MAPKAP1: variants seen among roughly 807,000 people sequenced by gnomAD.
The protein encoded by MAPKAP1 is target of rapamycin complex 2 subunit MAPKAP1.
MAPKAP1 carries 20 observed loss-of-function variants against 65.7 expected under a neutral mutation model. The ratio of observed to expected loss-of-function variants is 0.30; its 90% CI spans 0.21 to 0.44. MAPKAP1 has a LOEUF of 0.44. Ranked by LOEUF, MAPKAP1 falls within the 20% of genes least tolerant of loss-of-function variation. The pLI, the probability that MAPKAP1 is intolerant of heterozygous loss-of-function variation, is 1.00. For missense variants in MAPKAP1, 423 were observed against 648.0 expected (o/e 0.65, Z 3.77); for synonymous variants, 222 against 244.3 (o/e 0.91, Z 0.85).
chr9:125,689,135 G>A (rs950007640), intron 1 of MAPKAP1, among the ~76,000 whole-genome samples: 1 of 151,838 alleles, frequency 6.6e-6, no homozygotes, highest in Non-Finnish European at 1.5e-5. Flanking sequence ...GTATACAAAT[G>A]GCCACAATAA....
rs187521008 is a variant in MAPKAP1, at chr9:125,559,850, G to T, written c.672-41C>A. 1,077 of 1,579,022 alleles carry T rather than the reference G, an allele frequency of 6.8e-4. 7 individuals carry two copies. Among genetic ancestry groups the T allele is most frequent in the Non-Finnish European group, 1.5e-4 (168 of 1,158,594 alleles). ...AAAAGGCGAGTGAATACCAAGGTAG[G>T]GAAGGGACAAGAAGACCAGAGGGTA... On this transcript the variant is annotated intron_variant, in intron 5 of 11. Transcript: ENST00000265960.
At position 125,549,922 on chromosome 9, in the gene MAPKAP1, A is replaced by G. The variant is rs138188077; in HGVS notation, c.849-6754T>C. On this transcript the variant is annotated intron_variant, in intron 6 of 11. Coordinates refer to ENST00000265960, the MANE Select transcript of MAPKAP1 (RefSeq NM_001006617.3). Reference sequence around the variant, plus strand: ...ACTCTATATAACTGCAAAGACATTCACATTCCGTTCAGAATATAAAACACA... The same window carrying G: ...ACTCTATATAACTGCAAAGACATTCGCATTCCGTTCAGAATATAAAACACA... Among the ~76,000 whole-genome samples, 35 of 152,318 alleles carry G rather than the reference A, an allele frequency of 2.3e-4. 1 individual carries two copies. The East Asian group carries it at 6.7e-3, about 29-fold the overall frequency.
intron 7 of MAPKAP1, among the ~76,000 whole-genome samples, chr9:125,533,530 A>G (rs1416343222): frequency 6.6e-6 from 1 of 152,078 alleles, no homozygotes; most frequent in Non-Finnish European, 1.5e-5. Context: ...GCTTACTGCA[A>G]TCTCTGCTTC....
chr9:125,452,642 G>C (rs951563556), intron 10 of MAPKAP1, among the ~76,000 whole-genome samples: 1 of 152,112 alleles, frequency 6.6e-6, no homozygotes, highest in Non-Finnish European at 1.5e-5. Flanking sequence ...TCGGCCAGGT[G>C]TGGTGGCTCA....
At chr9:125,565,610 A>T in intron 5 of MAPKAP1, 1 of 360,826 alleles carries the variant, frequency 2.8e-6, no homozygotes. Context: ...TCAGAAGCTG[A>T]TATCTCTGAA....
intron 4 of MAPKAP1, among the ~76,000 whole-genome samples, chr9:125,589,020 C>T (rs984951469): frequency 1.3e-5 from 2 of 152,162 alleles, no homozygotes; most frequent in Admixed American, 1.3e-4. Flanking sequence ...TAGAGAGGCT[C>T]TTTTTCATGG....
chr9:125,553,634 C>T (rs1410347239), intron 6 of MAPKAP1, among the ~76,000 whole-genome samples: 1 of 152,124 alleles, frequency 6.6e-6, no homozygotes, highest in African/African-American at 2.4e-5. Context: ...CTACCCCATG[C>T]CCATTTGTCT....
At chr9:125,701,096 AATCAGTT>A (rs1250510234) in intron 1 of MAPKAP1, among the ~76,000 whole-genome samples, 1 of 152,236 alleles carries the variant, frequency 6.6e-6, no homozygotes, top group Non-Finnish European at 1.5e-5. Context: ...GTCTGCCAGT[AATCAGTT>A]GTGTGACTTT....
At chr9:125,680,108 C>G (rs1834777503) in intron 1 of MAPKAP1, among the ~76,000 whole-genome samples, 1 of 147,156 alleles carries the variant, frequency 6.8e-6, no homozygotes, top group African/African-American at 2.5e-5. Context: ...TTTTTTTAAC[C>G]TTTCCACACT....
At chr9:125,648,868 G>A (rs1015082093) in intron 4 of MAPKAP1, among the ~76,000 whole-genome samples, 3 of 151,980 alleles carry the variant, frequency 2.0e-5, no homozygotes, top group African/African-American at 4.8e-5. Context: ...TTAAACCCGG[G>A]AGGCGGAGGT....
chr9:125,596,543 G>A (rs1832131537), intron 4 of MAPKAP1: 1 of 709,222 alleles, frequency 1.4e-6, no homozygotes, highest in Non-Finnish European at 2.6e-6. Flanking sequence ...GGTGGTGGAA[G>A]CCAGTACTTT....
intron 4 of MAPKAP1, among the ~76,000 whole-genome samples, chr9:125,602,271 T>C (rs1017777680): frequency 2.4e-4 from 37 of 151,828 alleles, no homozygotes; most frequent in African/African-American, 8.5e-4. Context: ...AAGAAAGAAA[T>C]ATAAACATCA....
intron 1 of MAPKAP1, among the ~76,000 whole-genome samples, chr9:125,690,973 T>C (rs996075092): frequency 6.6e-6 from 1 of 152,086 alleles, no homozygotes; most frequent in African/African-American, 2.4e-5. Flanking sequence ...AGATAAAAAC[T>C]GGTAGAGGCC....
chr9:125,505,011 G>C (rs1829095723), intron 8 of MAPKAP1, among the ~76,000 whole-genome samples: 1 of 152,222 alleles, frequency 6.6e-6, no homozygotes, highest in Middle Eastern at 3.2e-3. Flanking sequence ...TGATAATCTA[G>C]CAGGGAAGAG....
chr9:125,521,602 T>C, intron 7 of MAPKAP1: 5 of 1,482,166 alleles, frequency 3.4e-6, no homozygotes, highest in Non-Finnish European at 4.5e-6. Context: ...TGCAGAGGAA[T>C]TTAGCTGTGG....
rs1005786645 is a variant in MAPKAP1, at chr9:125,438,471, A to G, written c.*416T>C. On this transcript the variant is annotated 3_prime_UTR_variant, in exon 12 of 12. Coordinates refer to ENST00000265960, the MANE Select transcript of MAPKAP1 (RefSeq NM_001006617.3). ...AGAATGGTCCATCATACCAACCATG[A>G]TAAAGAGTACACCTGTTTATTAAAA... 1.5e-5 allele frequency: 6 copies of G among 402,438 alleles called. No homozygotes were observed. Among genetic ancestry groups the G allele is most frequent in the African/African-American group, 1.2e-4 (6 of 48,730 alleles). 24.9% of individuals were successfully genotyped at this position (402,438 alleles called of 1,614,324 possible). A position where few individuals can be genotyped will look rare whatever the true frequency, so the allele number is the denominator to read the frequency against.
intron 4 of MAPKAP1, among the ~76,000 whole-genome samples, chr9:125,627,599 A>AT (rs1833152263): frequency 6.6e-6 from 1 of 151,828 alleles, no homozygotes; most frequent in East Asian, 1.9e-4. Context: ...ACTCTTTTTT[A>AT]TTTTTTTTAA....
At chr9:125,488,244 A>AC (rs1331108481) in intron 8 of MAPKAP1, among the ~76,000 whole-genome samples, 1 of 152,184 alleles carries the variant, frequency 6.6e-6, no homozygotes, top group Non-Finnish European at 1.5e-5. Context: ...GGATAACAGC[A>AC]CCTGAGGGAG....
At chr9:125,591,483 G>A in intron 4 of MAPKAP1, among the ~76,000 whole-genome samples, 1 of 150,716 alleles carries the variant, frequency 6.6e-6, no homozygotes, top group East Asian at 1.9e-4. Context: ...ACTCTAAAGA[G>A]TACAGTACTC....
Sources: allele counts gnomAD v4.1 joint callset (sites outside exome capture counted in the v4.1 genomes callset), GRCh38; gene constraint gnomAD v4.1.1; transcripts MANE v1.5; gene names NCBI Gene and HGNC (gene_info 2026-07-23, HGNC 2026-07-21).